HADH: variants seen among roughly 807,000 people sequenced by gnomAD.
HADH encodes the protein hydroxyacyl-coenzyme A dehydrogenase, mitochondrial.
Under a neutral mutation model 32.2 loss-of-function variants are expected in HADH, and 24 were observed. The ratio of observed to expected loss-of-function variants is 0.75; its 90% confidence interval spans 0.54 to 1.05. The LOEUF (loss-of-function observed/expected upper bound fraction) is 1.05. HADH is among the 50% of genes least tolerant of loss of function. The probability of loss-of-function intolerance (pLI) is 0.00; values close to 1 mark genes in which losing one functional copy is unlikely to be tolerated. For missense variants in HADH, 350 were observed against 397.1 expected, an observed-to-expected ratio of 0.88 and a Z score of 1.01; for synonymous variants, 139 against 152.5, an observed-to-expected ratio of 0.91 and a Z score of 0.65.
intron 1 of HADH, among the ~76,000 whole-genome samples, chr4:107,994,954 G>A (rs527918827): frequency 2.0e-5 from 3 of 152,218 alleles, no homozygotes; most frequent in Non-Finnish European, 4.4e-5. Flanking sequence ...AGCAGAAATG[G>A]CACTTCAGTC....
intron 6 of HADH, chr4:108,029,891 C>G (rs1293902178): frequency 6.6e-6 from 1 of 152,348 alleles, no homozygotes; most frequent in Non-Finnish European, 1.5e-5. Flanking sequence ...CTGATGCATG[C>G]CCCAGTCACT....
At chr4:108,014,037 A>G (rs1735600235) in intron 2 of HADH, among the ~76,000 whole-genome samples, 1 of 152,208 alleles carries the variant, frequency 6.6e-6, no homozygotes, top group Admixed American at 6.5e-5. Flanking sequence ...GAGTCACAGG[A>G]GAAAAATGAG....
intron 3 of HADH, among the ~76,000 whole-genome samples, chr4:108,014,902 T>C (rs907159925): frequency 2.0e-5 from 3 of 152,250 alleles, no homozygotes; most frequent in African/African-American, 7.2e-5. Flanking sequence ...GGTATTTGAC[T>C]GAGTTGTTTC....
rs764217686 is a variant in HADH at position 108,027,793 on chromosome 4, C to T, written c.709+33C>T. ...TCTGACCCAGGCCAGGAGCAGCAGA[C>T]CTCAGCTCCTGGCGCCACTGTCTGG... On this transcript the variant is annotated intron_variant, in intron 6 of 7. Transcript: ENST00000309522. The T allele has an allele frequency of 6.6e-5, 84 of 1,266,406 alleles. No individual in the cohort carries two copies. The highest frequency in any genetic ancestry group is 9.3e-5 in the Non-Finnish European group (80 of 862,534). The allele number at this position is 1,266,406 out of a possible 1,614,324, so 78.4% of individuals were successfully genotyped here.
chr4:108,021,745 A>T (rs1735893808), intron 4 of HADH, among the ~76,000 whole-genome samples: 1 of 152,176 alleles, frequency 6.6e-6, no homozygotes. Context: ...TGTGGTTTTG[A>T]TGGAGACTTT....
intron 1 of HADH, among the ~76,000 whole-genome samples, chr4:108,002,191 C>T (rs1735139603): frequency 6.6e-6 from 1 of 152,106 alleles, no homozygotes; most frequent in African/African-American, 2.4e-5. Context: ...GGTCCGTGGC[C>T]CATTAGGAAC....
chr4:108,006,191 G>A (rs1466047097), intron 1 of HADH, among the ~76,000 whole-genome samples: 2 of 152,160 alleles, frequency 1.3e-5, no homozygotes, highest in Non-Finnish European at 2.9e-5. Context: ...AGTGTGTGGG[G>A]GAGGAGTCTT....
chr4:107,992,573 A>G (rs1212307218), intron 1 of HADH, among the ~76,000 whole-genome samples: 2 of 152,204 alleles, frequency 1.3e-5, no homozygotes, highest in African/African-American at 4.8e-5. Flanking sequence ...ACAGTTCAAT[A>G]TAAGAAGTTG....
At chr4:108,019,786 A>G (rs1020618142) in intron 4 of HADH, 120 bp downstream of exon 4, 2 of 1,130,182 alleles carry the variant, frequency 1.8e-6, no homozygotes, top group Non-Finnish European at 2.7e-6. Context: ...TGAGGGTAGA[A>G]GGTTGTCCCT....
chr4:108,033,742 A>C (rs1736357877), intron 7 of HADH, among the ~76,000 whole-genome samples: 1 of 152,260 alleles, frequency 6.6e-6, no homozygotes, highest in Non-Finnish European at 1.5e-5. Flanking sequence ...AGACAGGGTA[A>C]AAATAATAAT....
intron 1 of HADH, among the ~76,000 whole-genome samples, chr4:108,003,811 TAAA>T (rs74268353): frequency 0.85 from 124,402 of 146,742 alleles, 53,219 homozygotes; most frequent in Admixed American, 0.92. Context: ...AGCCCAGAAT[TAAA>T]AAAAAAAAAA....
chr4:107,996,121 C>T (rs1201117960), intron 1 of HADH, among the ~76,000 whole-genome samples: 2 of 152,188 alleles, frequency 1.3e-5, no homozygotes, highest in Non-Finnish European at 2.9e-5. Flanking sequence ...ACTTTTTGGT[C>T]ATGGGAGAGC....
At chr4:107,994,157 A>C (rs965144351) in intron 1 of HADH, among the ~76,000 whole-genome samples, 2 of 152,042 alleles carry the variant, frequency 1.3e-5, no homozygotes, top group Non-Finnish European at 2.9e-5. Context: ...TTTTTAGTGC[A>C]CTACTCTTCT....
intron 1 of HADH, among the ~76,000 whole-genome samples, chr4:108,008,458 T>C (rs1735363259): frequency 6.6e-6 from 1 of 152,250 alleles, no homozygotes; most frequent in Admixed American, 6.5e-5. Context: ...CTTACCATTT[T>C]GAAAACTGTT....
chr4:108,022,468 T>C (rs1165308755), intron 4 of HADH, among the ~76,000 whole-genome samples: 1 of 152,014 alleles, frequency 6.6e-6, no homozygotes, highest in South Asian at 2.1e-4. Flanking sequence ...CAGGCCCCGC[T>C]TGCTGTAAAT....
chr4:108,026,797 T>C (rs1736083259), intron 5 of HADH: 1 of 152,194 alleles, frequency 6.6e-6, no homozygotes, highest in African/African-American at 2.4e-5. Context: ...ATCACAGCCT[T>C]TTGACAAAAG....
intron 1 of HADH, among the ~76,000 whole-genome samples, chr4:107,992,300 C>T (rs1301484804): frequency 6.6e-6 from 1 of 152,210 alleles, no homozygotes; most frequent in Non-Finnish European, 1.5e-5. Context: ...CCATAAGAAA[C>T]AGTTCCATCC....
chr4:108,033,272 C>G lies in HADH; in HGVS notation c.806C>G (p.Thr269Ser), dbSNP rs754403207. The G allele has an allele frequency of 3.8e-6, 6 of 1,569,076 alleles. No homozygotes were observed. The highest frequency in any genetic ancestry group is 5.3e-6 in the Non-Finnish European group (6 of 1,139,204). ...CTTCTAGATTATGTCGGACTGGATA[C>G]TACGAAGTTCATCGTGGATGGTAGG... ...FELLDYVGLDTTKFIVDGWHE... is the reference protein window; with the variant it reads ...FELLDYVGLDSTKFIVDGWHE... The change falls in exon 7 of 8, where the codon ACT becomes AGT. Residue 269 changes from threonine to serine, a missense_variant. Transcript: ENST00000309522.
chr4:108,013,143 G>A (rs1008086062), intron 2 of HADH, among the ~76,000 whole-genome samples: 12 of 152,174 alleles, frequency 7.9e-5, no homozygotes, highest in Admixed American at 5.9e-4. Flanking sequence ...ATGTTATCCC[G>A]GATGGTCTCG....
Sources: allele counts gnomAD v4.1 joint callset (sites outside exome capture counted in the v4.1 genomes callset), GRCh38; gene constraint gnomAD v4.1.1; transcripts MANE v1.5; gene names NCBI Gene and HGNC (gene_info 2026-07-23, HGNC 2026-07-21).